Variants in LRRC4C observed in about 807,000 individuals in gnomAD.
LRRC4C encodes the protein leucine-rich repeat-containing protein 4C.
LRRC4C carries 5 observed loss-of-function variants against 33.6 expected under a neutral mutation model. That is an observed-to-expected ratio of 0.15 (90% CI 0.08 to 0.31). The LOEUF is 0.31. Among genes scored for constraint, LRRC4C ranks in the 10% least tolerant of loss-of-function variants. LRRC4C has a pLI of 1.00. For missense variants in LRRC4C, 560 were observed against 796.7 expected (o/e 0.70, Z 3.58); for synonymous variants, 329 against 302.0 (o/e 1.09, Z -0.93).
At chr11:40,617,787 A>G (rs1962010775) in intron 3 of LRRC4C, among the ~76,000 whole-genome samples, 1 of 151,764 alleles carries the variant, frequency 6.6e-6, no homozygotes, top group African/African-American at 2.4e-5. Context: ...AGATGTGTCA[A>G]CATCTTAACC....
chr11:41,373,808 C>A (rs1952840275), intron 1 of LRRC4C, among the ~76,000 whole-genome samples: 1 of 152,032 alleles, frequency 6.6e-6, no homozygotes, highest in African/African-American at 2.4e-5. Context: ...TTAGTTTAAG[C>A]AAAGAAATAG....
intron 2 of LRRC4C, among the ~76,000 whole-genome samples, chr11:40,877,210 A>G (rs975231109): frequency 6.6e-6 from 1 of 152,098 alleles, no homozygotes; most frequent in African/African-American, 2.4e-5. Context: ...CTTTGACCCA[A>G]GTAGTCAAAC....
chr11:40,721,412 A>G lies in LRRC4C; in HGVS notation c.-406-73134T>C, dbSNP rs189576912. 4.0e-3 allele frequency among the ~76,000 whole-genome samples: 603 copies of G among 152,346 alleles called. 3 individuals carry two copies. Among genetic ancestry groups the G allele is most frequent in the Non-Finnish European group, 6.2e-3 (424 of 68,030 alleles). ...CTTGATCTGAGACTTTCCAGGCTCC[A>G]GAACTGTGAGAAGTAAATGTTTGTT... is the stretch of plus-strand genomic sequence containing the variant. On this transcript the variant is annotated intron_variant, in intron 2 of 6. Coordinates refer to ENST00000528697, the MANE Select transcript of LRRC4C (RefSeq NM_001258419.2).
intron 3 of LRRC4C, among the ~76,000 whole-genome samples, chr11:40,498,080 C>T (rs1320238485): frequency 6.6e-6 from 1 of 152,126 alleles, no homozygotes; most frequent in African/African-American, 2.4e-5. Flanking sequence ...TTTAGCAAAT[C>T]TTAGCTTATA....
chr11:40,380,709 G>A (rs1181075784), intron 3 of LRRC4C, among the ~76,000 whole-genome samples: 1 of 152,136 alleles, frequency 6.6e-6, no homozygotes, highest in African/African-American at 2.4e-5. Context: ...TATCACCAGT[G>A]TAAATATATT....
At chr11:40,426,115 G>A (rs922488983) in intron 3 of LRRC4C, among the ~76,000 whole-genome samples, 1 of 151,314 alleles carries the variant, frequency 6.6e-6, no homozygotes, top group African/African-American at 2.4e-5. Flanking sequence ...CTGGGTTCAA[G>A]TGATTCTCCT....
At chr11:40,650,328 T>C (rs1018970058) in intron 2 of LRRC4C, among the ~76,000 whole-genome samples, 1 of 152,134 alleles carries the variant, frequency 6.6e-6, no homozygotes, top group African/African-American at 2.4e-5. Flanking sequence ...TTTTCTTTTT[T>C]CCAAAATAAC....
chr11:40,841,789 T>G (rs934391632), intron 2 of LRRC4C, among the ~76,000 whole-genome samples: 4 of 152,172 alleles, frequency 2.6e-5, no homozygotes, highest in Admixed American at 2.6e-4. Context: ...TCTTTTTCAG[T>G]GTAAGCCAAC....
intron 1 of LRRC4C, among the ~76,000 whole-genome samples, chr11:41,304,712 A>T (rs1390201487): frequency 1.2e-5 from 1 of 80,256 alleles, no homozygotes; most frequent in African/African-American, 4.7e-5. Context: ...CCCGTCCGGG[A>T]GGGAGGTGGG....
intron 1 of LRRC4C, among the ~76,000 whole-genome samples, chr11:41,051,552 A>AAAAAAAAAAAAAAAAAAAAAAAAAAAAAT (rs1858222928): frequency 7.6e-6 from 1 of 130,892 alleles, no homozygotes; most frequent in Non-Finnish European, 1.6e-5. Flanking sequence ...AAAAAAAAAA[A>AAAAAAAAAAAAAAAAAAAAAAAAAAAAAT]AGGAAAAATT....
At chr11:40,944,132 A>T (rs961498336) in intron 1 of LRRC4C, among the ~76,000 whole-genome samples, 14 of 152,152 alleles carry the variant, frequency 9.2e-5, no homozygotes, top group Non-Finnish European at 1.8e-4. Flanking sequence ...CAAAAACAAC[A>T]AATTGTCAGA....
intron 3 of LRRC4C, among the ~76,000 whole-genome samples, chr11:40,480,737 A>G (rs1953514052): frequency 6.6e-6 from 1 of 152,146 alleles, no homozygotes; most frequent in Non-Finnish European, 1.5e-5. Flanking sequence ...TATACAATGG[A>G]ATATTATTCA....
intron 1 of LRRC4C, among the ~76,000 whole-genome samples, chr11:41,418,727 C>A (rs1954775883): frequency 6.6e-6 from 1 of 151,912 alleles, no homozygotes; most frequent in African/African-American, 2.4e-5. Flanking sequence ...TAGCGGGGGT[C>A]CAGCTAAATT....
At chr11:40,366,893 T>C (rs971849685) in intron 3 of LRRC4C, among the ~76,000 whole-genome samples, 6 of 152,076 alleles carry the variant, frequency 3.9e-5, no homozygotes, top group Admixed American at 1.3e-4. Flanking sequence ...ATAGGAAGAC[T>C]AACTGGGTTT....
chr11:40,941,654 A>G (rs2136596377), intron 1 of LRRC4C, among the ~76,000 whole-genome samples: 1 of 152,308 alleles, frequency 6.6e-6, no homozygotes, highest in South Asian at 2.1e-4. Context: ...CTACCTGAGA[A>G]GTAAACACAT....
At chr11:40,232,766 C>A (rs533967845) in intron 5 of LRRC4C, among the ~76,000 whole-genome samples, 1 of 152,098 alleles carries the variant, frequency 6.6e-6, no homozygotes, top group Non-Finnish European at 1.5e-5. Flanking sequence ...TTTTTAGGTG[C>A]CATTTCTCAG....
At chr11:41,410,598 GC>G (rs1165128517) in intron 1 of LRRC4C, among the ~76,000 whole-genome samples, 1 of 151,430 alleles carries the variant, frequency 6.6e-6, no homozygotes, top group Non-Finnish European at 1.5e-5. Context: ...CCGCCATCAC[GC>G]CCAGCTAATT....
At chr11:40,199,076 G>C (rs945202608) in intron 5 of LRRC4C, among the ~76,000 whole-genome samples, 3 of 151,978 alleles carry the variant, frequency 2.0e-5, no homozygotes, top group Non-Finnish European at 4.4e-5. Context: ...TTATTTGTTT[G>C]TTTATTTATT....
intron 2 of LRRC4C, among the ~76,000 whole-genome samples, chr11:40,927,881 C>G (rs1435213983): frequency 6.6e-6 from 1 of 152,168 alleles, no homozygotes; most frequent in African/African-American, 2.4e-5. Flanking sequence ...GTATGTATAT[C>G]AGACTACCAC....
Sources: allele counts gnomAD v4.1 joint callset (sites outside exome capture counted in the v4.1 genomes callset), GRCh38; gene constraint gnomAD v4.1.1; transcripts MANE v1.5; gene names NCBI Gene and HGNC (gene_info 2026-07-23, HGNC 2026-07-21).